The following GULP1 variants were observed in gnomAD, a reference collection of about 807,000 sequenced individuals.
GULP1 encodes the protein PTB domain-containing engulfment adapter protein 1.
Under a neutral mutation model 40.9 loss-of-function variants are expected in GULP1, and 19 were observed. The observed-to-expected ratio is 0.46, with a 90% CI of 0.32 to 0.68. The LOEUF (loss-of-function observed/expected upper bound fraction) is 0.68. GULP1 is among the 30% of genes least tolerant of loss of function. GULP1 has a pLI of 0.03. For missense variants in GULP1, 312 were observed against 362.2 expected, an observed-to-expected ratio of 0.86 and a Z score of 1.12; for synonymous variants, 119 against 117.6, an observed-to-expected ratio of 1.01 and a Z score of -0.08.
chr2:188,305,943 A>G (rs547588209), intron 1 of GULP1, among the ~76,000 whole-genome samples: 1 of 151,816 alleles, frequency 6.6e-6, no homozygotes, highest in Admixed American at 6.6e-5. Context: ...GCGCCTGGCT[A>G]ATTTTTGTAT....
At chr2:188,512,944 C>T (rs2064747401) in intron 4 of GULP1, among the ~76,000 whole-genome samples, 1 of 151,850 alleles carries the variant, frequency 6.6e-6, no homozygotes, top group African/African-American at 2.4e-5. Context: ...TAAGAGTCAC[C>T]AAGGTAAATA....
intron 6 of GULP1, among the ~76,000 whole-genome samples, chr2:188,532,544 G>A (rs953859844): frequency 1.3e-5 from 2 of 151,988 alleles, no homozygotes; most frequent in South Asian, 4.1e-4. Flanking sequence ...AGAGTATATG[G>A]GTATGCATTG....
intron 4 of GULP1, among the ~76,000 whole-genome samples, chr2:188,517,338 C>A (rs1260384808): frequency 1.3e-5 from 2 of 151,626 alleles, no homozygotes; most frequent in Non-Finnish European, 2.9e-5. Context: ...TTTTTAATTA[C>A]CTGAGTCATA....
chr2:188,385,187 C>G (rs1280120021), intron 2 of GULP1, among the ~76,000 whole-genome samples: 1 of 152,166 alleles, frequency 6.6e-6, no homozygotes, highest in African/African-American at 2.4e-5. Flanking sequence ...CCTGGACATC[C>G]AGGCATTTCC....
At chr2:188,547,490 A>G (rs973859555) in intron 7 of GULP1, among the ~76,000 whole-genome samples, 8 of 152,130 alleles carry the variant, frequency 5.3e-5, no homozygotes, top group African/African-American at 1.9e-4. Flanking sequence ...TTGAAGTCCA[A>G]TCTTCAAGGG....
intron 1 of GULP1, among the ~76,000 whole-genome samples, chr2:188,327,710 A>G (rs948166729): frequency 1.3e-5 from 2 of 152,152 alleles, no homozygotes; most frequent in Non-Finnish European, 2.9e-5. Context: ...TAGAGTGGAC[A>G]TGGACAATTT....
chr2:188,324,439 A>C (rs1323455928), intron 1 of GULP1, among the ~76,000 whole-genome samples: 6 of 152,102 alleles, frequency 3.9e-5, no homozygotes, highest in Non-Finnish European at 1.5e-5. Context: ...TATTCAGAAG[A>C]GCCTTCTTTT....
At chr2:188,399,995 ATAAGTC>A (rs769400727) in intron 2 of GULP1, among the ~76,000 whole-genome samples, 1 of 152,168 alleles carries the variant, frequency 6.6e-6, no homozygotes, top group Non-Finnish European at 1.5e-5. Flanking sequence ...ATATATTGCA[ATAAGTC>A]TAAGATAGGA....
intron 11 of GULP1, chr2:188,593,361 A>G (rs538852187): frequency 1.3e-5 from 2 of 152,262 alleles, no homozygotes; most frequent in Non-Finnish European, 2.9e-5. Flanking sequence ...TATGCAAGGA[A>G]GAGTAGGAGT....
chr2:188,470,122 T>C (rs2060466341), intron 2 of GULP1, among the ~76,000 whole-genome samples: 1 of 152,152 alleles, frequency 6.6e-6, no homozygotes, highest in African/African-American at 2.4e-5. Context: ...TGGAATACTT[T>C]GGGTAGTATT....
intron 6 of GULP1, among the ~76,000 whole-genome samples, chr2:188,533,365 C>T (rs1291573668): frequency 6.6e-6 from 1 of 151,958 alleles, no homozygotes. Context: ...ACAAAGTCAA[C>T]AAAAATAACA....
intron 1 of GULP1, among the ~76,000 whole-genome samples, chr2:188,329,820 G>A (rs1020751658): frequency 6.6e-6 from 1 of 152,138 alleles, no homozygotes; most frequent in Admixed American, 6.6e-5. Flanking sequence ...GCAAGATGGG[G>A]ACAGGATTTG....
At chr2:188,361,542 GATC>G (rs1409123258) in intron 1 of GULP1, among the ~76,000 whole-genome samples, 1 of 152,038 alleles carries the variant, frequency 6.6e-6, no homozygotes, top group Non-Finnish European at 1.5e-5. Flanking sequence ...TGCATAAAAA[GATC>G]ATTGTGACTT....
At chr2:188,532,590 G>C (rs1687822852) in intron 6 of GULP1, among the ~76,000 whole-genome samples, 1 of 152,010 alleles carries the variant, frequency 6.6e-6, no homozygotes, top group Admixed American at 6.6e-5. Context: ...GATTTCATCT[G>C]ACCTTTTAAA....
At chr2:188,303,091 A>G (rs2036434826) in intron 1 of GULP1, among the ~76,000 whole-genome samples, 1 of 152,164 alleles carries the variant, frequency 6.6e-6, no homozygotes, top group South Asian at 2.1e-4. Context: ...TAATTTTATA[A>G]AACTCTAGTT....
intron 1 of GULP1, among the ~76,000 whole-genome samples, chr2:188,335,516 AT>A (rs2042145927): frequency 6.6e-6 from 1 of 152,144 alleles, no homozygotes; most frequent in Non-Finnish European, 1.5e-5. Context: ...TGCAGTGTGG[AT>A]TGGGTACCAT....
At chr2:188,420,362 G>T (rs2055227898) in intron 2 of GULP1, among the ~76,000 whole-genome samples, 1 of 152,044 alleles carries the variant, frequency 6.6e-6, no homozygotes, top group Admixed American at 6.5e-5. Context: ...TCAGTAATTT[G>T]TAGTTTTCAG....
intron 7 of GULP1, among the ~76,000 whole-genome samples, chr2:188,564,863 T>C (rs1697261679): frequency 6.6e-6 from 1 of 151,994 alleles, no homozygotes; most frequent in Non-Finnish European, 1.5e-5. Context: ...TAATAATAAA[T>C]GAACTGTATT....
At chr2:188,359,778 A>G (rs1364585367) in intron 1 of GULP1, among the ~76,000 whole-genome samples, 1 of 152,154 alleles carries the variant, frequency 6.6e-6, no homozygotes, top group Non-Finnish European at 1.5e-5. Context: ...TTGGAAGGAA[A>G]AGACTTTGCT....
Sources: gnomAD v4.1 joint callset for allele counts (sites outside exome capture counted in the v4.1 genomes callset) on GRCh38, gnomAD v4.1.1 for gene constraint, MANE v1.5 for transcripts, NCBI Gene and HGNC (gene_info 2026-07-23, HGNC 2026-07-21) for gene names.